Variants in SNTG1 observed in about 807,000 individuals in gnomAD.
SNTG1 encodes gamma-1-syntrophin.
Under a neutral mutation model 74.7 loss-of-function variants are expected in SNTG1, and 39 were observed. That is an observed-to-expected ratio of 0.52 (90% CI 0.40 to 0.68). The LOEUF (loss-of-function observed/expected upper bound fraction) is 0.68, where lower values mean the gene tolerates loss of function less well. Among genes scored for constraint, SNTG1 ranks in the 30% least tolerant of loss-of-function variants. The probability of loss-of-function intolerance (pLI) is 0.00; values close to 1 mark genes in which losing one functional copy is unlikely to be tolerated. For synonymous variants in SNTG1, 254 were observed against 217.1 expected, an observed-to-expected ratio of 1.17 and a Z score of -1.49; for missense variants, 685 against 609.5, an observed-to-expected ratio of 1.12 and a Z score of -1.30.
chr8:50,125,774 T>G (rs574398912), intron 1 of SNTG1, among the ~76,000 whole-genome samples: 1 of 152,216 alleles, frequency 6.6e-6, no homozygotes, highest in South Asian at 2.1e-4. Context: ...GTTGCTGTAT[T>G]AAGATGTGCT....
chr8:49,976,693 G>A (rs938993521), intron 1 of SNTG1, among the ~76,000 whole-genome samples: 15 of 152,282 alleles, frequency 9.9e-5, no homozygotes, highest in East Asian at 9.7e-4. Flanking sequence ...ACAGCAGAGC[G>A]GAGGCGCCCA....
intron 2 of SNTG1, among the ~76,000 whole-genome samples, chr8:50,251,254 C>T (rs988587394): frequency 1.3e-5 from 2 of 151,582 alleles, no homozygotes; most frequent in African/African-American, 4.8e-5. Flanking sequence ...AGAAAAGAAA[C>T]AAAATTTAGC....
intron 15 of SNTG1, among the ~76,000 whole-genome samples, chr8:50,659,439 T>C (rs1331670551): frequency 1.3e-5 from 2 of 152,200 alleles, no homozygotes; most frequent in African/African-American, 4.8e-5. Context: ...TTGCTTTATG[T>C]TAGCTATTTC....
At chr8:50,012,126 T>C (rs1815869586) in intron 1 of SNTG1, among the ~76,000 whole-genome samples, 1 of 152,014 alleles carries the variant, frequency 6.6e-6, no homozygotes, top group African/African-American at 2.4e-5. Context: ...ACACACATGT[T>C]AATTTCAATT....
intron 2 of SNTG1, among the ~76,000 whole-genome samples, chr8:50,260,533 A>C (rs917119627): frequency 6.6e-6 from 1 of 151,920 alleles, no homozygotes; most frequent in African/African-American, 2.4e-5. Flanking sequence ...ACACAGACAC[A>C]CACACACACT....
intron 2 of SNTG1, among the ~76,000 whole-genome samples, chr8:50,187,534 T>C (rs1376500524): frequency 6.6e-6 from 1 of 152,174 alleles, no homozygotes; most frequent in Non-Finnish European, 1.5e-5. Context: ...CTTTGTTAAA[T>C]AGATTATGTG....
intron 1 of SNTG1, among the ~76,000 whole-genome samples, chr8:50,043,795 G>A (rs1283870769): frequency 6.6e-6 from 1 of 152,134 alleles, no homozygotes; most frequent in African/African-American, 2.4e-5. Flanking sequence ...GCACTCTTGT[G>A]CGTGCACACA....
At chr8:50,452,666 T>C (rs1190142647) in intron 8 of SNTG1, among the ~76,000 whole-genome samples, 1 of 152,246 alleles carries the variant, frequency 6.6e-6, no homozygotes, top group Non-Finnish European at 1.5e-5. Context: ...TTTGGGATTG[T>C]ATTGCAAATT....
chr8:50,676,104 G>A (rs1392397663), intron 15 of SNTG1, among the ~76,000 whole-genome samples: 1 of 151,998 alleles, frequency 6.6e-6, no homozygotes, highest in Middle Eastern at 3.4e-3. Flanking sequence ...TAATGATTAT[G>A]TGTCTTGGGG....
At chr8:50,025,888 T>A (rs902382090) in intron 1 of SNTG1, among the ~76,000 whole-genome samples, 16 of 152,170 alleles carry the variant, frequency 1.1e-4, no homozygotes, top group African/African-American at 3.9e-4. Context: ...ATACTTCTGT[T>A]TCTCACATTG....
In SNTG1 at chr8:50,782,216, G is replaced by C. The variant is rs189161070; in HGVS notation, c.1396-10455G>C. 9.1e-4 allele frequency among the ~76,000 whole-genome samples: 138 copies of C among 152,200 alleles called. 2 individuals carry two copies. The highest frequency in any genetic ancestry group is 6.8e-3 in the Middle Eastern group (2 of 294). On this transcript the variant is annotated intron_variant, in intron 18 of 18. Transcript: ENST00000642720. ...GCTCTTCTCGAGAAGTATCTTTGTG[G>C]TGTTCTCTGTATTTCCTGAATCTCA...
chr8:50,448,762 C>T (rs112479554), intron 5 of SNTG1, among the ~76,000 whole-genome samples: 7 of 152,112 alleles, frequency 4.6e-5, no homozygotes, highest in Non-Finnish European at 8.8e-5. Context: ...AGGCCGGGTG[C>T]GGTGACTCAC....
At chr8:50,596,689 T>C (rs2094729456) in intron 13 of SNTG1, among the ~76,000 whole-genome samples, 1 of 152,090 alleles carries the variant, frequency 6.6e-6, no homozygotes, top group Admixed American at 6.6e-5. Flanking sequence ...ACTGTAGTAC[T>C]ACGATGTCTA....
chr8:49,964,096 C>T (rs1380051837), intron 1 of SNTG1, among the ~76,000 whole-genome samples: 2 of 152,182 alleles, frequency 1.3e-5, no homozygotes, highest in African/African-American at 2.4e-5. Context: ...GTCTAGGCCA[C>T]AGTACCTAGA....
chr8:50,482,046 T>C (rs1415401223), intron 8 of SNTG1, among the ~76,000 whole-genome samples: 1 of 152,182 alleles, frequency 6.6e-6, no homozygotes, highest in East Asian at 1.9e-4. Flanking sequence ...AGCAGAGCTG[T>C]AGCCATTTCC....
chr8:49,912,195 A>G lies in SNTG1; in HGVS notation c.-139A>G, dbSNP rs1287051828. ...AGAGCTACTCAAAATTCTACGTTAG[A>G]GAGACTGAAAAGACATCTAATTTCA... On this transcript the variant is annotated 5_prime_UTR_variant, in exon 1 of 19. Transcript: ENST00000642720. 6.6e-6 allele frequency: 1 copy of G among 152,210 alleles called. No homozygotes were observed. The highest frequency in any genetic ancestry group is 1.5e-5 in the Non-Finnish European group (1 of 68,036). 9.4% of individuals were successfully genotyped at this position (152,210 alleles called of 1,614,324 possible). A position where few individuals can be genotyped will look rare whatever the true frequency, so the allele number is the denominator to read the frequency against.
chr8:50,455,160 G>A (rs1181719240), intron 8 of SNTG1, among the ~76,000 whole-genome samples: 1 of 152,098 alleles, frequency 6.6e-6, no homozygotes, highest in African/African-American at 2.4e-5. Flanking sequence ...TATTTGTTGA[G>A]TAAAAAGCAT....
chr8:50,414,017 G>A (rs12547242), intron 4 of SNTG1, among the ~76,000 whole-genome samples: 26,830 of 151,914 alleles, frequency 0.18, 2,633 homozygotes, highest in Middle Eastern at 0.27. Flanking sequence ...TTTATATGCC[G>A]TATCTGTAAT....
intron 1 of SNTG1, among the ~76,000 whole-genome samples, chr8:50,002,975 C>T (rs1385063767): frequency 6.6e-6 from 1 of 152,028 alleles, no homozygotes; most frequent in Non-Finnish European, 1.5e-5. Flanking sequence ...CAACATTATG[C>T]TAAGTGAAAG....
Sources: allele counts gnomAD v4.1 joint callset (sites outside exome capture counted in the v4.1 genomes callset), GRCh38; gene constraint gnomAD v4.1.1; transcripts MANE v1.5; gene names NCBI Gene and HGNC (gene_info 2026-07-23, HGNC 2026-07-21).